Variants in TMEFF1 observed in about 807,000 individuals in gnomAD.
The protein encoded by TMEFF1 is tomoregulin-1.
Under a neutral mutation model 47.5 loss-of-function variants are expected in TMEFF1, and 20 were observed. That is an observed-to-expected ratio of 0.42 (90% CI 0.30 to 0.61). TMEFF1 has a LOEUF of 0.61. TMEFF1 is among the 20% of genes least tolerant of loss of function. TMEFF1 has a pLI of 0.19. For synonymous variants in TMEFF1, 162 were observed against 166.3 expected (o/e 0.97, Z 0.20); for missense variants, 411 against 471.1 (o/e 0.87, Z 1.18).
At chr9:100,489,050 A>G (rs537562991) in intron 1 of TMEFF1, among the ~76,000 whole-genome samples, 3 of 152,086 alleles carry the variant, frequency 2.0e-5, no homozygotes, top group South Asian at 2.1e-4. Flanking sequence ...GAAAGTTTCT[A>G]CCTGTTAACA....
chr9:100,565,016 A>C (rs1839094844), intron 8 of TMEFF1, among the ~76,000 whole-genome samples: 1 of 152,100 alleles, frequency 6.6e-6, no homozygotes, highest in Non-Finnish European at 1.5e-5. Flanking sequence ...TGGGAAATGC[A>C]TTGGGAAGAG....
At chr9:100,515,490 A>T (rs1838049727) in intron 4 of TMEFF1, among the ~76,000 whole-genome samples, 1 of 152,092 alleles carries the variant, frequency 6.6e-6, no homozygotes, top group African/African-American at 2.4e-5. Flanking sequence ...TATCTTTATT[A>T]TAAGACACCC....
At chr9:100,495,129 C>G (rs935619982) in intron 1 of TMEFF1, among the ~76,000 whole-genome samples, 2 of 151,818 alleles carry the variant, frequency 1.3e-5, no homozygotes, top group Non-Finnish European at 2.9e-5. Flanking sequence ...CACCAGTGTT[C>G]CTGAGGAACA....
chr9:100,484,108 A>G (rs567209639), intron 1 of TMEFF1, among the ~76,000 whole-genome samples: 2 of 152,154 alleles, frequency 1.3e-5, no homozygotes, highest in South Asian at 2.1e-4. Context: ...ATTTGTGTTT[A>G]TATTTTAGTT....
At chr9:100,481,066 T>C (rs1261292847) in intron 1 of TMEFF1, among the ~76,000 whole-genome samples, 3 of 152,228 alleles carry the variant, frequency 2.0e-5, no homozygotes, top group Non-Finnish European at 4.4e-5. Flanking sequence ...GGAATCTTCT[T>C]GTCCCAGTTC....
At chr9:100,533,884 A>G (rs1419332108) in intron 5 of TMEFF1, among the ~76,000 whole-genome samples, 1 of 151,820 alleles carries the variant, frequency 6.6e-6, no homozygotes, top group Non-Finnish European at 1.5e-5. Flanking sequence ...ATGCCCAGCT[A>G]ATGTTTGTAT....
At chr9:100,513,392 T>C (rs1838004043) in intron 4 of TMEFF1, 59 bp downstream of exon 4, 4 of 1,522,200 alleles carry the variant, frequency 2.6e-6, no homozygotes, top group South Asian at 2.6e-5. Flanking sequence ...TCTTTCTTTT[T>C]CTTTTTTTTT....
chr9:100,490,382 A>G (rs1837526829), intron 1 of TMEFF1, among the ~76,000 whole-genome samples: 1 of 152,220 alleles, frequency 6.6e-6, no homozygotes, highest in African/African-American at 2.4e-5. Flanking sequence ...CTTGAAGTCA[A>G]CATTTGCTAA....
chr9:100,515,122 C>T (rs911807063), intron 4 of TMEFF1, among the ~76,000 whole-genome samples: 2 of 152,086 alleles, frequency 1.3e-5, no homozygotes, highest in East Asian at 1.9e-4. Flanking sequence ...GTGGTGATCA[C>T]GCCATTGCAC....
At chr9:100,498,083 A>G (rs976956058) in intron 1 of TMEFF1, among the ~76,000 whole-genome samples, 1 of 152,160 alleles carries the variant, frequency 6.6e-6, no homozygotes, top group African/African-American at 2.4e-5. Flanking sequence ...TTTGATGCTT[A>G]ATGTTGGAGC....
chr9:100,477,620 C>CT (rs869245620), intron 1 of TMEFF1, among the ~76,000 whole-genome samples: 3,997 of 106,692 alleles, frequency 0.037, 44 homozygotes, highest in African/African-American at 0.043. Flanking sequence ...TGCATTCCGC[C>CT]TTTTTTTTTT....
intron 8 of TMEFF1, among the ~76,000 whole-genome samples, chr9:100,570,226 T>G (rs1317082134): frequency 6.6e-6 from 1 of 152,196 alleles, no homozygotes; most frequent in Non-Finnish European, 1.5e-5. Context: ...TTGTGAATAA[T>G]GCTGCAATAA....
intron 3 of TMEFF1, 60 bp from the exon 4 acceptor site, chr9:100,513,247 T>C: frequency 6.4e-7 from 1 of 1,574,314 alleles, no homozygotes; most frequent in Non-Finnish European, 8.6e-7. Context: ...AATTTTATTA[T>C]TTGATAAGAT....
intron 5 of TMEFF1, among the ~76,000 whole-genome samples, chr9:100,527,053 G>A (rs573887640): frequency 6.8e-6 from 1 of 146,018 alleles, no homozygotes; most frequent in East Asian, 2.1e-4. Flanking sequence ...TGAGACACAA[G>A]AATCTCTCAA....
chr9:100,508,872 A>T, intron 2 of TMEFF1, 133 bp from the exon 3 acceptor site: 12 of 253,734 alleles, frequency 4.7e-5, no homozygotes, highest in Admixed American at 8.1e-5. Context: ...TTTTTAAGCC[A>T]AAAAAAAAAA....
intron 5 of TMEFF1, among the ~76,000 whole-genome samples, chr9:100,530,479 A>G (rs1838355848): frequency 6.6e-6 from 1 of 152,200 alleles, no homozygotes; most frequent in Non-Finnish European, 1.5e-5. Context: ...TAAACTAGAA[A>G]ATCTAGAAGA....
chr9:100,561,634 A>C, intron 8 of TMEFF1, 114 bp downstream of exon 8: 1 of 1,345,678 alleles, frequency 7.4e-7, no homozygotes, highest in Non-Finnish European at 9.6e-7. Flanking sequence ...GTTTATTTGC[A>C]GTAGACAAGT....
intron 7 of TMEFF1, among the ~76,000 whole-genome samples, chr9:100,551,782 G>A (rs1564025745): frequency 6.6e-6 from 1 of 152,174 alleles, no homozygotes; most frequent in Admixed American, 6.5e-5. Flanking sequence ...AAGTTCTTGT[G>A]ATGTAGTAAA....
chr9:100,491,250 A>G (rs1007112443), intron 1 of TMEFF1, among the ~76,000 whole-genome samples: 9 of 152,194 alleles, frequency 5.9e-5, no homozygotes, highest in Admixed American at 4.6e-4. Context: ...TACATGTTCA[A>G]GAACAAACTG....
Sources: gnomAD v4.1 joint callset for allele counts (sites outside exome capture counted in the v4.1 genomes callset) on GRCh38, gnomAD v4.1.1 for gene constraint, MANE v1.5 for transcripts, NCBI Gene and HGNC (gene_info 2026-07-23, HGNC 2026-07-21) for gene names.